CRACD: variants seen among roughly 807,000 people sequenced by gnomAD.
CRACD encodes capping protein-inhibiting regulator of actin dynamics.
CRACD carries 56 observed loss-of-function variants against 106.8 expected under a neutral mutation model. The observed-to-expected ratio is 0.52, with a 90% confidence interval of 0.42 to 0.66. The LOEUF (loss-of-function observed/expected upper bound fraction) is 0.66. Ranked by LOEUF, CRACD falls within the 30% of genes least tolerant of loss-of-function variation. The pLI is 0.00. For missense variants in CRACD, 1,730 were observed against 1,623.2 expected, an observed-to-expected ratio of 1.07 and a Z score of -1.13; for synonymous variants, 754 against 670.8, an observed-to-expected ratio of 1.12 and a Z score of -1.92.
At position 56,309,109 on chromosome 4, in the gene CRACD, A is replaced by G. The variant is rs903468193; in HGVS notation, c.285+1410A>G. 3.1e-5 allele frequency: 13 copies of G among 421,258 alleles called. 1 individual carries two copies. The highest frequency in any genetic ancestry group is 2.7e-4 in the African/African-American group (13 of 49,052). The allele number at this position is 421,258 out of a possible 1,614,324, so 26.1% of individuals were successfully genotyped here. A position where few individuals can be genotyped will look rare whatever the true frequency, so the allele number is the denominator to read the frequency against. ...AGAAAATAAAACAGGGTAATGGAAA[A>G]GTGAGTAACTTGGTGGTGGAGAGGT... On this transcript the variant is annotated intron_variant, in intron 5 of 10. Coordinates refer to ENST00000682029, the MANE Select transcript of CRACD (RefSeq NM_001393381.1).
At chr4:56,145,739 C>G (rs370421010) in intron 1 of CRACD, among the ~76,000 whole-genome samples, 2 of 152,166 alleles carry the variant, frequency 1.3e-5, no homozygotes, top group Non-Finnish European at 2.9e-5. Context: ...ACTCAGCCCC[C>G]CAAAGTAGCT....
At position 56,057,691 on chromosome 4, in the gene CRACD, C is replaced by T. The variant is rs924740219; in HGVS notation, c.-336+8392C>T. Among the ~76,000 whole-genome samples the T allele has an allele frequency of 7.6e-5, 11 of 144,662 alleles. No homozygotes were observed. The East Asian group carries it at 2.3e-3, about 30-fold the overall frequency. 94.9% of individuals were successfully genotyped at this position (144,662 alleles called of 152,430 possible). On this transcript the variant is annotated intron_variant, in intron 1 of 10. Transcript: ENST00000682029. ...TCAGGCTAGAGTGCAGTGGCACAGT[C>T]TCAGCTCACTGCAACCTCTGTCCCC...
At chr4:56,084,490 T>C (rs1733149203) in intron 1 of CRACD, among the ~76,000 whole-genome samples, 1 of 152,200 alleles carries the variant, frequency 6.6e-6, no homozygotes, top group African/African-American at 2.4e-5. Flanking sequence ...AATAATACTT[T>C]ATATGAAATT....
intron 4 of CRACD, among the ~76,000 whole-genome samples, chr4:56,300,338 C>T (rs1430879053): frequency 3.4e-5 from 4 of 119,004 alleles, no homozygotes; most frequent in Non-Finnish European, 6.0e-5. Flanking sequence ...CTGCTGCCAC[C>T]GCTGCCCAAA....
chr4:56,100,222 G>A (rs1296868627), intron 1 of CRACD, among the ~76,000 whole-genome samples: 2 of 152,048 alleles, frequency 1.3e-5, no homozygotes, highest in South Asian at 2.1e-4. Context: ...CAGCCTTGGC[G>A]ACAGAGCAAG....
At chr4:56,077,726 C>A (rs541501052) in intron 1 of CRACD, among the ~76,000 whole-genome samples, 69 of 152,176 alleles carry the variant, frequency 4.5e-4, no homozygotes, top group Non-Finnish European at 2.9e-5. Context: ...ATATGTCAGG[C>A]CTTGGGGATA....
intron 5 of CRACD, 94 bp downstream of exon 5, chr4:56,307,793 A>G: frequency 3.1e-6 from 4 of 1,292,312 alleles, no homozygotes; most frequent in Non-Finnish European, 4.3e-6. Context: ...GGGGAATTAG[A>G]GGGAGGAGCT....
chr4:56,306,267 G>A (rs1185478157), intron 4 of CRACD, among the ~76,000 whole-genome samples: 1 of 152,152 alleles, frequency 6.6e-6, no homozygotes, highest in African/African-American at 2.4e-5. Flanking sequence ...GCCGAGGTGG[G>A]CGGATTGCTT....
chr4:56,052,767 A>T (rs1359776886), intron 1 of CRACD, among the ~76,000 whole-genome samples: 1 of 152,096 alleles, frequency 6.6e-6, no homozygotes, highest in Non-Finnish European at 1.5e-5. Flanking sequence ...ATTCAAACTG[A>T]GTTCTCTCTG....
intron 2 of CRACD, among the ~76,000 whole-genome samples, chr4:56,190,247 CT>C (rs1162951868): frequency 6.6e-6 from 1 of 151,952 alleles, no homozygotes; most frequent in Non-Finnish European, 1.5e-5. Flanking sequence ...GGTTCCAAGT[CT>C]TTGCTGTTGT....
intron 2 of CRACD, among the ~76,000 whole-genome samples, chr4:56,261,422 A>G (rs1385684335): frequency 6.7e-6 from 1 of 150,260 alleles, no homozygotes; most frequent in African/African-American, 2.5e-5. Context: ...CAATGGTGCA[A>G]TCTCAGCAAC....
chr4:56,307,503 C>A, intron 4 of CRACD, 32 bp from the exon 5 acceptor site: 1 of 1,611,160 alleles, frequency 6.2e-7, no homozygotes, highest in Non-Finnish European at 8.5e-7. Flanking sequence ...TGCTTCACTG[C>A]TTCAGAATGT....
intron 1 of CRACD, among the ~76,000 whole-genome samples, chr4:56,139,674 A>G (rs1735126467): frequency 1.3e-5 from 2 of 152,228 alleles, no homozygotes; most frequent in African/African-American, 4.8e-5. Context: ...AAATGCTTCC[A>G]TATGCTGAGA....
intron 1 of CRACD, among the ~76,000 whole-genome samples, chr4:56,105,566 T>G (rs1733924541): frequency 6.6e-6 from 1 of 152,162 alleles, no homozygotes; most frequent in Non-Finnish European, 1.5e-5. Flanking sequence ...GTTTCATAAG[T>G]GAGTTTATAG....
intron 1 of CRACD, among the ~76,000 whole-genome samples, chr4:56,074,914 G>A (rs569144568): frequency 3.3e-5 from 5 of 152,130 alleles, no homozygotes; most frequent in South Asian, 4.2e-4. Flanking sequence ...GAATTTTATC[G>A]AAGGCCTTTT....
In CRACD at chr4:56,313,212, C is replaced by T. The variant is rs755563784; in HGVS notation, c.370C>T (p.Pro124Ser). ...EMEEKVAPVK[P>S]SRPKRHFSSA... is the part of the protein sequence containing the mutation. Reference sequence around the variant, plus strand: ...TCCCCTACAGGTTGCTCCCGTTAAACCGTCTCGGCCAAAAAGGCACTTCTC... The same window carrying T: ...TCCCCTACAGGTTGCTCCCGTTAAATCGTCTCGGCCAAAAAGGCACTTCTC... Residue 124 changes from proline (P) to serine (S), a missense_variant, in exon 7 of 11, where the codon CCG becomes TCG. Coordinates refer to ENST00000682029, the MANE Select transcript of CRACD (RefSeq NM_001393381.1). The T allele has an allele frequency of 6.2e-7, 1 of 1,614,076 alleles. No homozygotes were observed. Among genetic ancestry groups the T allele is most frequent in the South Asian group, 1.1e-5 (1 of 91,072 alleles).
At chr4:56,204,152 A>G (rs1490237353) in intron 2 of CRACD, among the ~76,000 whole-genome samples, 1 of 152,352 alleles carries the variant, frequency 6.6e-6, no homozygotes, top group East Asian at 1.9e-4. Flanking sequence ...GGAACAGTCT[A>G]CATGATCCCA....
intron 1 of CRACD, among the ~76,000 whole-genome samples, chr4:56,162,202 AT>A (rs112373957): frequency 4.0e-5 from 6 of 150,406 alleles, no homozygotes; most frequent in Non-Finnish European, 7.4e-5. Context: ...AATTATTATT[AT>A]TTTTTTTTAG....
At chr4:56,152,694 T>TTC (rs1735623971) in intron 1 of CRACD, among the ~76,000 whole-genome samples, 1 of 150,346 alleles carries the variant, frequency 6.7e-6, no homozygotes, top group African/African-American at 2.4e-5. Flanking sequence ...AGTGAGACCC[T>TTC]GTCTCAAAAA....
Sources: allele counts gnomAD v4.1 joint callset (sites outside exome capture counted in the v4.1 genomes callset), GRCh38; gene constraint gnomAD v4.1.1; transcripts MANE v1.5; gene names NCBI Gene and HGNC (gene_info 2026-07-23, HGNC 2026-07-21).